The following FCHO1 variants were observed in gnomAD, a reference collection of about 807,000 sequenced individuals.
FCHO1 encodes the protein FCH and mu domain containing endocytic adaptor 1.
In FCHO1, 45 loss-of-function variants were observed where a neutral mutation model predicts 114.4. The observed-to-expected ratio is 0.39, with a 90% CI of 0.31 to 0.50. FCHO1 has a LOEUF of 0.50. Ranked by LOEUF, FCHO1 falls within the 20% of genes least tolerant of loss-of-function variation. The pLI is 0.77. For synonymous variants in FCHO1, 480 were observed against 488.9 expected (o/e 0.98, Z 0.24); for missense variants, 1,042 against 1,209.6 (o/e 0.86, Z 2.06).
In FCHO1 at chr19:17,784,741, C is replaced by T. The variant is rs759802709; in HGVS notation, c.2243C>T (p.Pro748Leu). Residue 748 changes from proline to leucine, a missense_variant, in exon 26 of 29, where the codon CCC becomes CTC. By Grantham distance (98) the Pro-to-Leu change is moderately conservative (BLOSUM62 -3). Around this residue, in one of 3 missense-constraint regions of FCHO1, gnomAD observed 455 missense variants for 455.4 expected, o/e 1.00. Coordinates refer to ENST00000596536, the MANE Select transcript of FCHO1 (RefSeq NM_015122.3). This position sits in a 1 kb window ranked among gnomAD's most constrained non-coding sequence, Gnocchi z 5.3. ...TCTTCCTAGTTCTCCCGCCCGGGTCCCCAGTCTGTGCCTCTGCAGCTCAGT... is the reference window on the plus strand; with the variant it reads ...TCTTCCTAGTTCTCCCGCCCGGGTCTCCAGTCTGTGCCTCTGCAGCTCAGT... ...LLRYQFSRPG[P>L]QSVPLQLSAH... The T allele has an allele frequency of 1.3e-5, 21 of 1,614,084 alleles. No homozygotes were observed. In the South Asian group the frequency reaches 2.3e-4, roughly 18 times the overall value.
rs2092662327 is a variant in FCHO1, at chr19:17,776,597, G to A, written c.1208-38G>A. On this transcript the variant is annotated intron_variant, in intron 17 of 28. Coordinates refer to ENST00000596536, the MANE Select transcript of FCHO1 (RefSeq NM_015122.3). The surrounding 1 kb of genome is among the most constrained non-coding windows in gnomAD (Gnocchi z 4.4). ...TGTGGAGTGGGGAGCATTGCAGGCA[G>A]GGTGACAAGAAGGCTGAAGGAGGTG... is the stretch of plus-strand genomic sequence containing the variant. 6.2e-7 allele frequency: 1 copy of A among 1,612,144 alleles called. No individual in the cohort carries two copies. The highest frequency in any genetic ancestry group is 8.5e-7 in the Non-Finnish European group (1 of 1,178,352).
In FCHO1 at chr19:17,772,671, C is replaced by T. The variant is rs1192999205; in HGVS notation, c.720C>T (p.Ile240=). ...GQVHEEFKQN[I]ENVSVEMLLR... is the part of the protein sequence containing the mutation. ...TGCATGAGGAATTTAAGCAGAACAT[C>T]GAGAACGTCAGCGTGGAGATGCTAC... is the stretch of plus-strand genomic sequence containing the variant. Residue 240 remains isoleucine, a synonymous_variant, in exon 11 of 29, where the codon ATC becomes ATT. Coordinates refer to ENST00000596536, the MANE Select transcript of FCHO1 (RefSeq NM_015122.3). The T allele has an allele frequency of 3.1e-6, 5 of 1,614,084 alleles. No homozygotes were observed. The highest frequency in any genetic ancestry group is 2.2e-5 in the South Asian group (2 of 91,066).
intron 4 of FCHO1, among the ~76,000 whole-genome samples, chr19:17,757,831 G>A (rs1265409915): frequency 4.7e-5 from 7 of 149,026 alleles, no homozygotes; most frequent in Non-Finnish European, 7.4e-5. Context: ...TGGGAGGATC[G>A]CTTGAGCCTG....
upstream of FCHO1, among the ~76,000 whole-genome samples, chr19:17,750,428 C>T (rs1234694719): frequency 1.3e-5 from 2 of 152,038 alleles, no homozygotes; most frequent in Non-Finnish European, 2.9e-5. Flanking sequence ...ATATATTTGT[C>T]TTTATGTCAA....
At chr19:17,771,123 G>A (rs1445231963) in intron 9 of FCHO1, among the ~76,000 whole-genome samples, 1 of 151,986 alleles carries the variant, frequency 6.6e-6, no homozygotes, top group African/African-American at 2.4e-5. Flanking sequence ...CGTAGTGGCA[G>A]GTGCCTGTAA....
At chr19:17,765,411 C>A (rs1277487489) in intron 6 of FCHO1, among the ~76,000 whole-genome samples, 1 of 152,080 alleles carries the variant, frequency 6.6e-6, no homozygotes, top group African/African-American at 2.4e-5. Context: ...GTGGCTCAAG[C>A]CTTTAATCCC....
chr19:17,778,857 T>G lies in FCHO1; in HGVS notation c.1600T>G (p.Trp534Gly). The change falls in exon 20 of 29, where the codon TGG (tryptophan) becomes GGG (glycine). Residue 534 changes from tryptophan to glycine, a missense_variant. Physicochemically the swap from Trp to Gly is radical, Grantham distance 184 (BLOSUM62 -2). Around this residue, in one of 3 missense-constraint regions of FCHO1, gnomAD observed 455 missense variants for 455.4 expected, o/e 1.00. Transcript: ENST00000596536. ...PQPLASSPGP[W>G]GLEALAGGDL... is the part of the protein sequence containing the mutation. The stretch of plus-strand genomic sequence containing the variant: ...GCCCCTCGCCTCGTCTCCAGGCCCC[T>G]GGGGGCTGGAGGCCTTGGCCGGAGG... The G allele has an allele frequency of 6.4e-7, 1 of 1,568,714 alleles. No individual in the cohort carries two copies. Among genetic ancestry groups the G allele is most frequent in the Non-Finnish European group, 8.6e-7 (1 of 1,165,280 alleles).
upstream of FCHO1, among the ~76,000 whole-genome samples, chr19:17,749,031 A>G (rs756911515): frequency 6.6e-6 from 1 of 152,132 alleles, no homozygotes; most frequent in Non-Finnish European, 1.5e-5. Flanking sequence ...GACAGGGAGT[A>G]AAACATAGGA....
At chr19:17,764,565 T>G in intron 6 of FCHO1, 116 bp downstream of exon 6, 1 of 777,092 alleles carries the variant, frequency 1.3e-6, no homozygotes, top group Non-Finnish European at 2.1e-6. Context: ...TATGGGGCTA[T>G]TTGGATAGAG....
At chr19:17,758,107 G>A (rs1489034051) in intron 4 of FCHO1, among the ~76,000 whole-genome samples, 1 of 151,648 alleles carries the variant, frequency 6.6e-6, no homozygotes, top group Non-Finnish European at 1.5e-5. Flanking sequence ...CCCAGCTATT[G>A]AGGAGGCTGA....
At chr19:17,777,467 C>T (rs938459173) in intron 18 of FCHO1, among the ~76,000 whole-genome samples, 6 of 131,058 alleles carry the variant, frequency 4.6e-5, no homozygotes, top group Admixed American at 9.5e-5. Flanking sequence ...ACCTGGGAGG[C>T]GGAGCTTGCA....
chr19:17,765,121 C>T (rs1177073807), intron 6 of FCHO1, among the ~76,000 whole-genome samples: 7 of 150,456 alleles, frequency 4.7e-5, no homozygotes, highest in African/African-American at 1.7e-4. Flanking sequence ...TGTGAGAGAT[C>T]GGGCACTTTC....
chr19:17,782,629 A>T (rs189441186), intron 23 of FCHO1, among the ~76,000 whole-genome samples: 4 of 152,298 alleles, frequency 2.6e-5, no homozygotes, highest in African/African-American at 9.6e-5. Flanking sequence ...GTTAGGGACA[A>T]GCGGAGTGCA....
chr19:17,751,306 G>T (rs1047743543), upstream of FCHO1, among the ~76,000 whole-genome samples: 1 of 152,210 alleles, frequency 6.6e-6, no homozygotes, highest in Non-Finnish European at 1.5e-5. The surrounding 1 kb of genome is among the most constrained non-coding windows in gnomAD (Gnocchi z 4.4). Flanking sequence ...GGTAAGAACA[G>T]CTCCAGGTTC....
In FCHO1 at chr19:17,775,076, C is replaced by T; in HGVS notation, c.941C>T (p.Ser314Leu). 6.2e-7 allele frequency: 1 copy of T among 1,613,182 alleles called. No homozygotes were observed. The highest frequency in any genetic ancestry group is 8.5e-7 in the Non-Finnish European group (1 of 1,179,614). The part of the protein sequence containing the change: ...PAAVDFLEPD[S>L]GTCPEVDEEG... Reference sequence around the variant, plus strand: ...CCCAGAGATTTCCTGGAGCCCGATTCAGGGGTGAGTGATGTGGGAGGGGTC... The same window carrying T: ...CCCAGAGATTTCCTGGAGCCCGATTTAGGGGTGAGTGATGTGGGAGGGGTC... The change falls in exon 14 of 29, where the codon TCA (serine) becomes TTA (leucine). Residue 314 changes from serine to leucine, a missense_variant. By Grantham distance (145) the Ser-to-Leu change is moderately radical. This residue lies in a region of FCHO1 where 450 missense variants were observed against 564.1 expected (regional missense o/e 0.80). Coordinates refer to ENST00000596536, the MANE Select transcript of FCHO1 (RefSeq NM_015122.3). The surrounding 1 kb of genome is among the most constrained non-coding windows in gnomAD (Gnocchi z 5.1).
At chr19:17,769,623 AC>A (rs2090826504) in intron 7 of FCHO1, among the ~76,000 whole-genome samples, 3 of 132,160 alleles carry the variant, frequency 2.3e-5, no homozygotes, top group Admixed American at 7.5e-5. Context: ...ACACACACAC[AC>A]ACACACACAA....
intron 5 of FCHO1, among the ~76,000 whole-genome samples, chr19:17,763,445 G>A (rs1394482583): frequency 6.6e-6 from 1 of 151,446 alleles, no homozygotes; most frequent in Non-Finnish European, 1.5e-5. Context: ...TTTATTTTTA[G>A]TAGAGACGAG....
chr19:17,768,618 T>C (rs12974115), intron 7 of FCHO1, among the ~76,000 whole-genome samples: 137,435 of 151,120 alleles, frequency 0.91, 62,738 homozygotes, highest in Middle Eastern at 0.98. Context: ...GACTTGAGCC[T>C]GGGAGGTGGA....
chr19:17,766,046 G>A (rs539425344), intron 6 of FCHO1, among the ~76,000 whole-genome samples: 6 of 150,816 alleles, frequency 4.0e-5, no homozygotes, highest in South Asian at 4.2e-4. Context: ...CCACCACCAC[G>A]CCCGGCTAAT....
Sources: allele counts gnomAD v4.1 joint callset (sites outside exome capture counted in the v4.1 genomes callset), GRCh38; gene constraint gnomAD v4.1.1; regional missense constraint gnomAD v4.1.1; non-coding constraint Gnocchi (gnomAD v3.1); transcripts MANE v1.5; gene names NCBI Gene and HGNC (gene_info 2026-07-23, HGNC 2026-07-21).